The following MBD5 variants were observed in gnomAD, a reference collection of about 807,000 sequenced individuals.
MBD5 encodes methyl-CpG binding domain protein 5.
In MBD5, 13 loss-of-function variants were observed where a neutral mutation model predicts 117.3. That is an observed-to-expected ratio of 0.11 (90% CI 0.07 to 0.18). The LOEUF is 0.18. MBD5 is among the 10% of genes least tolerant of loss of function. The pLI is 1.00. For missense variants in MBD5, 1,879 were observed against 2,093.8 expected, an observed-to-expected ratio of 0.90 and a Z score of 2.00; for synonymous variants, 727 against 766.4, an observed-to-expected ratio of 0.95 and a Z score of 0.85.
At chr2:148,130,792 C>A (rs1212677508) in intron 1 of MBD5, among the ~76,000 whole-genome samples, 1 of 152,172 alleles carries the variant, frequency 6.6e-6, no homozygotes, top group Non-Finnish European at 1.5e-5. Context: ...GTGTAGCATA[C>A]TCCAGAGTTA....
chr2:148,251,067 C>T (rs2106244119), intron 3 of MBD5, among the ~76,000 whole-genome samples: 1 of 151,922 alleles, frequency 6.6e-6, no homozygotes, highest in African/African-American at 2.4e-5. Flanking sequence ...TAGTATAGTG[C>T]TATAGGTACT....
chr2:148,176,654 C>G (rs911269359), intron 1 of MBD5, among the ~76,000 whole-genome samples: 3 of 152,048 alleles, frequency 2.0e-5, no homozygotes, highest in African/African-American at 7.2e-5. Flanking sequence ...GGTGATCCAC[C>G]TGCCTCAGCC....
chr2:148,494,678 T>G (rs1244485320), intron 11 of MBD5, among the ~76,000 whole-genome samples: 1 of 152,214 alleles, frequency 6.6e-6, no homozygotes, highest in Non-Finnish European at 1.5e-5. Context: ...AAGTACATTC[T>G]GGGCCGGGCG....
At chr2:148,453,700 CA>C (rs143883064) in intron 4 of MBD5, among the ~76,000 whole-genome samples, 111 of 151,842 alleles carry the variant, frequency 7.3e-4, no homozygotes, top group African/African-American at 2.6e-3. Flanking sequence ...TGGAAAACAG[CA>C]GAAGCTTTAG....
intron 4 of MBD5, chr2:148,346,725 C>A (rs1703132358): frequency 6.6e-6 from 1 of 151,646 alleles, no homozygotes; most frequent in African/African-American, 2.4e-5. Context: ...AATATTAAAT[C>A]TATAAATCAT....
rs139555327 is a variant in MBD5, at chr2:148,405,512, T to C, written c.-556-52691T>C. On this transcript the variant is annotated intron_variant, in intron 4 of 13. Transcript: ENST00000642680. ...AACTGCAGAAGCCAAAAGTCAAGAA[T>C]AAGTTCGACATGTTCAAGGAACAGA... is the stretch of plus-strand genomic sequence containing the variant. Among the ~76,000 whole-genome samples the C allele has an allele frequency of 4.6e-5, 7 of 150,964 alleles. No individual in the cohort carries two copies. The East Asian group carries it at 1.4e-3, about 29-fold the overall frequency.
intron 3 of MBD5, among the ~76,000 whole-genome samples, chr2:148,278,467 G>T (rs1455175047): frequency 1.3e-5 from 2 of 152,082 alleles, no homozygotes; most frequent in African/African-American, 4.8e-5. Context: ...ATGTGTATGT[G>T]AAAGTCTCTC....
At chr2:148,510,310 C>G (rs951277696) in intron 13 of MBD5, among the ~76,000 whole-genome samples, 175 bp downstream of exon 13, 16 of 152,228 alleles carry the variant, frequency 1.1e-4, no homozygotes, top group African/African-American at 3.9e-4. Flanking sequence ...GAAAAAGAAA[C>G]CTACCACATT....
intron 4 of MBD5, among the ~76,000 whole-genome samples, chr2:148,387,274 T>G (rs1704402093): frequency 6.6e-6 from 1 of 152,134 alleles, no homozygotes; most frequent in African/African-American, 2.4e-5. Context: ...GGAAAATTAT[T>G]TAGCATATTA....
At chr2:148,285,556 A>G (rs745908647) in intron 3 of MBD5, among the ~76,000 whole-genome samples, 4 of 152,240 alleles carry the variant, frequency 2.6e-5, no homozygotes, top group Non-Finnish European at 5.9e-5. Flanking sequence ...TCTCTTGCTT[A>G]TGGGCCAGAT....
chr2:148,374,166 C>T (rs1703928969), intron 4 of MBD5, among the ~76,000 whole-genome samples: 1 of 151,720 alleles, frequency 6.6e-6, no homozygotes, highest in Admixed American at 6.6e-5. Flanking sequence ...ATTTGCCAAA[C>T]CCAGAATGTT....
At chr2:148,090,599 A>G (rs1234424060) in intron 1 of MBD5, among the ~76,000 whole-genome samples, 1 of 152,136 alleles carries the variant, frequency 6.6e-6, no homozygotes, top group African/African-American at 2.4e-5. Flanking sequence ...AAATTATATG[A>G]TTATTTCAAT....
At chr2:148,355,326 T>G (rs1431188062) in intron 4 of MBD5, among the ~76,000 whole-genome samples, 4 of 151,920 alleles carry the variant, frequency 2.6e-5, no homozygotes, top group Admixed American at 6.6e-5. Flanking sequence ...TGCCATTGCT[T>G]TTGGTGTTTT....
At position 148,298,546 on chromosome 2, in the gene MBD5, T is replaced by C. The variant is rs963361137; in HGVS notation, c.-679-43668T>C. ...CAGAGATTTTAAATGATTTTATTTT[T>C]ATAATTTTTTACCAGTTATGGTTGT... On this transcript the variant is annotated intron_variant, in intron 3 of 13. Coordinates refer to ENST00000642680, the MANE Select transcript of MBD5 (RefSeq NM_001378120.1). Among the ~76,000 whole-genome samples, 3 of 152,244 alleles carry C rather than the reference T, an allele frequency of 2.0e-5. No individual in the cohort carries two copies. The East Asian group carries it at 5.8e-4, about 29-fold the overall frequency.
chr2:148,340,936 C>T (rs1468680118), intron 3 of MBD5, among the ~76,000 whole-genome samples: 1 of 151,562 alleles, frequency 6.6e-6, no homozygotes, highest in Non-Finnish European at 1.5e-5. Context: ...CCTTATAACA[C>T]CTCTATTAGT....
At chr2:148,272,136 A>C (rs901739983) in intron 3 of MBD5, among the ~76,000 whole-genome samples, 3 of 152,188 alleles carry the variant, frequency 2.0e-5, no homozygotes, top group African/African-American at 4.8e-5. Flanking sequence ...TTTAAGGCTG[A>C]GTAGTATTGT....
At chr2:148,229,110 T>G (rs1699917069) in intron 2 of MBD5, among the ~76,000 whole-genome samples, 1 of 152,078 alleles carries the variant, frequency 6.6e-6, no homozygotes. Flanking sequence ...TCTATTTCCT[T>G]CTGATCTTAG....
chr2:148,456,166 A>G (rs561465641), intron 4 of MBD5, among the ~76,000 whole-genome samples: 1 of 152,296 alleles, frequency 6.6e-6, no homozygotes, highest in African/African-American at 2.4e-5. Flanking sequence ...ATAACCAAAC[A>G]CTGTAAACTG....
At chr2:148,252,852 G>GA (rs1241984218) in intron 3 of MBD5, among the ~76,000 whole-genome samples, 3 of 152,160 alleles carry the variant, frequency 2.0e-5, no homozygotes, top group Non-Finnish European at 4.4e-5. Flanking sequence ...ACCCAGCCTG[G>GA]AAAATATTTT....
Sources: allele counts gnomAD v4.1 joint callset (sites outside exome capture counted in the v4.1 genomes callset), GRCh38; gene constraint gnomAD v4.1.1; transcripts MANE v1.5; gene names NCBI Gene and HGNC (gene_info 2026-07-23, HGNC 2026-07-21).